The following DMD variants were observed in gnomAD, a reference collection of about 807,000 sequenced individuals.
The protein encoded by DMD is mutant dystrophin.
In DMD, 63 loss-of-function variants were observed where a neutral mutation model predicts 330.1. The observed-to-expected ratio is 0.19, with a 90% confidence interval of 0.16 to 0.24. The LOEUF (loss-of-function observed/expected upper bound fraction) is 0.24. Ranked by LOEUF, DMD falls within the 10% of genes least tolerant of loss-of-function variation. The pLI is 1.00. For missense variants in DMD, 3,344 were observed against 2,684.1 expected, an observed-to-expected ratio of 1.25 and a Z score of -5.43; for synonymous variants, 1,223 against 959.8, an observed-to-expected ratio of 1.27 and a Z score of -5.07.
chrX:33,127,066 G>A (rs2095469526), intron 1 of DMD, among the ~76,000 whole-genome samples: 1 of 110,974 alleles, frequency 9.0e-6, no homozygotes, highest in African/African-American at 3.3e-5. Flanking sequence ...TCAAGTTATG[G>A]GAAAATTTGA....
intron 78 of DMD, among the ~76,000 whole-genome samples, chrX:31,124,420 G>C (rs756105367): frequency 1.8e-5 from 2 of 111,716 alleles, no homozygotes; most frequent in Non-Finnish European, 3.8e-5. Context: ...CATGACTATA[G>C]AAAGTAGATT....
chrX:32,654,933 C>T (rs1047786782), intron 9 of DMD, among the ~76,000 whole-genome samples: 18 of 111,784 alleles, frequency 1.6e-4, no homozygotes, highest in South Asian at 3.7e-4. Context: ...AGTTTATTTG[C>T]GTAGAGGTGT....
At chrX:32,808,587 G>GC (rs3838944) in intron 7 of DMD, among the ~76,000 whole-genome samples, 8,466 of 111,265 alleles carry the variant, frequency 0.076, 721 homozygotes, top group African/African-American at 0.25. Flanking sequence ...TCATTTTTGA[G>GC]TTTTCTTGAT....
Position 33,165,029 on chromosome X carries a change from G to C in DMD, c.31+46253C>G, listed in dbSNP as rs532814925. 3.5e-4 allele frequency among the ~76,000 whole-genome samples: 37 copies of C among 107,082 alleles called. No individual in the cohort carries two copies. In the South Asian group the frequency reaches 0.015, roughly 44 times the overall value. 93.0% of individuals were successfully genotyped at this position (107,082 alleles called of 115,157 possible). ...AGGACATTTCTAGAAGTGTTTACTTGAATCTACAGATTTTGAGCTATAAGG... is the reference window on the plus strand; with the variant it reads ...AGGACATTTCTAGAAGTGTTTACTTCAATCTACAGATTTTGAGCTATAAGG... On this transcript the variant is annotated intron_variant, in intron 1 of 78. Coordinates refer to ENST00000357033, the MANE Select transcript of DMD (RefSeq NM_004006.3).
chrX:31,690,294 A>C (rs1319473108), intron 52 of DMD, among the ~76,000 whole-genome samples: 14 of 112,424 alleles, frequency 1.2e-4, no homozygotes, highest in Non-Finnish European at 2.4e-4. Flanking sequence ...CAACCCCATC[A>C]AAAAGTGGGC....
chrX:32,375,470 T>A (rs754689755), intron 34 of DMD, among the ~76,000 whole-genome samples: 249 of 112,180 alleles, frequency 2.2e-3, no homozygotes, highest in African/African-American at 6.7e-3. Context: ...CTAGTGGAGT[T>A]TCCAAAAGGA....
intron 52 of DMD, among the ~76,000 whole-genome samples, chrX:31,689,730 C>T (rs1349299611): frequency 9.0e-6 from 1 of 111,694 alleles, no homozygotes; most frequent in East Asian, 2.8e-4. Flanking sequence ...TACTACAAGG[C>T]TACGGTAACC....
At chrX:32,659,178 T>G (rs1355238759) in intron 9 of DMD, among the ~76,000 whole-genome samples, 2 of 112,270 alleles carry the variant, frequency 1.8e-5, no homozygotes, top group Non-Finnish European at 3.8e-5. Flanking sequence ...CTTTTCTAAC[T>G]AGGTAAATTT....
intron 48 of DMD, among the ~76,000 whole-genome samples, chrX:31,863,076 G>T (rs147998560): frequency 0.013 from 1,499 of 112,954 alleles, 27 homozygotes; most frequent in African/African-American, 0.046. Context: ...GGGTGAGGTG[G>T]CTCACGCCTG....
At chrX:33,211,720 C>T (rs932158706), upstream of DMD, among the ~76,000 whole-genome samples, 5 of 112,366 alleles carry the variant, frequency 4.4e-5, no homozygotes, top group African/African-American at 1.6e-4. Context: ...CAATGCTCAA[C>T]TGTGTTCTGA....
intron 61 of DMD, among the ~76,000 whole-genome samples, chrX:31,344,637 C>T (rs1030040842): frequency 9.1e-6 from 1 of 110,230 alleles, no homozygotes; most frequent in Admixed American, 9.7e-5. Flanking sequence ...TTACTTGAGG[C>T]CACAAGTTCG....
At chrX:32,467,683 G>GTA (rs1487491510) in intron 23 of DMD, among the ~76,000 whole-genome samples, 1 of 104,553 alleles carries the variant, frequency 9.6e-6, no homozygotes, top group East Asian at 2.9e-4. Context: ...GTATGTGTGT[G>GTA]TATATATATA....
At chrX:31,444,718 G>T (rs1258998389) in intron 59 of DMD, 91 bp from the exon 60 acceptor site, 9 of 966,056 alleles carry the variant, frequency 9.3e-6, no homozygotes, top group Non-Finnish European at 1.3e-5. Context: ...AGGGTGCAGT[G>T]CCAGTAATGT....
At chrX:32,169,837 GTTTCA>G (rs895827183) in intron 44 of DMD, among the ~76,000 whole-genome samples, 9 of 108,467 alleles carry the variant, frequency 8.3e-5, no homozygotes, top group African/African-American at 3.0e-4. Flanking sequence ...TCCTCGCATT[GTTTCA>G]TTTCATTTCG....
chrX:33,295,677 A>T (rs1353541577), intron 1 of DMD, among the ~76,000 whole-genome samples: 1 of 111,700 alleles, frequency 9.0e-6, no homozygotes, highest in Non-Finnish European at 1.9e-5. Flanking sequence ...GAGACTAACC[A>T]GTGACAACTG....
At chrX:31,499,418 T>C (rs767987333) in intron 56 of DMD, among the ~76,000 whole-genome samples, 1 of 111,088 alleles carries the variant, frequency 9.0e-6, no homozygotes. Flanking sequence ...TGACTCATTA[T>C]TAGTGGGTCA....
chrX:32,729,751 G>C (rs984495756), intron 7 of DMD, among the ~76,000 whole-genome samples: 2 of 58,273 alleles, frequency 3.4e-5, no homozygotes, highest in African/African-American at 5.0e-4. Flanking sequence ...TACATGTTCT[G>C]GTTCTTTAAT....
intron 1 of DMD, among the ~76,000 whole-genome samples, chrX:33,198,879 G>T (rs770586836): frequency 5.3e-4 from 58 of 109,882 alleles, no homozygotes; most frequent in Middle Eastern, 9.3e-3. Context: ...GTGGAAAATG[G>T]TGTCATCAAG....
chrX:31,870,028 G>A (rs773972730), intron 48 of DMD, among the ~76,000 whole-genome samples: 9 of 111,727 alleles, frequency 8.1e-5, no homozygotes, highest in East Asian at 2.8e-4. Context: ...GTCAGAGTTC[G>A]TTCAGCTAGT....
Sources: allele counts gnomAD v4.1 joint callset (sites outside exome capture counted in the v4.1 genomes callset), GRCh38; gene constraint gnomAD v4.1.1; transcripts MANE v1.5; gene names NCBI Gene and HGNC (gene_info 2026-07-23, HGNC 2026-07-21).